The following SEMA5A variants were observed in gnomAD, a reference collection of about 807,000 sequenced individuals.
SEMA5A encodes the protein semaphorin 5A.
In SEMA5A, 55 loss-of-function variants were observed where a neutral mutation model predicts 135.5. The ratio of observed to expected loss-of-function variants is 0.41; its 90% CI spans 0.33 to 0.51. The LOEUF (loss-of-function observed/expected upper bound fraction) is 0.51, where lower values mean the gene tolerates loss of function less well. Among genes scored for constraint, SEMA5A ranks in the 20% least tolerant of loss-of-function variants. The pLI, the probability that SEMA5A is intolerant of heterozygous loss-of-function variation, is 0.37. For missense variants in SEMA5A, 1,290 were observed against 1,419.9 expected (o/e 0.91, Z 1.47); for synonymous variants, 580 against 546.5 (o/e 1.06, Z -0.85).
chr5:9,271,780 A>G (rs1240795886), intron 5 of SEMA5A, among the ~76,000 whole-genome samples: 1 of 152,074 alleles, frequency 6.6e-6, no homozygotes, highest in African/African-American at 2.4e-5. Context: ...TGGGTCAGGG[A>G]ACTCCCTCTA....
chr5:9,049,174 ATTTT>A (rs1373288938), intron 21 of SEMA5A, among the ~76,000 whole-genome samples: 1 of 151,730 alleles, frequency 6.6e-6, no homozygotes, highest in Non-Finnish European at 1.5e-5. Context: ...TTATTTATTT[ATTTT>A]TGATGCAGAG....
intron 1 of SEMA5A, among the ~76,000 whole-genome samples, chr5:9,439,551 C>A (rs1463085561): frequency 6.6e-6 from 1 of 152,158 alleles, no homozygotes; most frequent in Non-Finnish European, 1.5e-5. Flanking sequence ...TCTCCTGCCT[C>A]CCCCAGTGAG....
At chr5:9,162,564 G>GTGTATATATATATATATA (rs1331354641) in intron 11 of SEMA5A, among the ~76,000 whole-genome samples, 5 of 84,014 alleles carry the variant, frequency 6.0e-5, no homozygotes, top group African/African-American at 2.0e-4. Flanking sequence ...GTGTGTGTGT[G>GTGTATATATATATATATA]TATATATATA....
At chr5:9,183,166 G>A (rs375417354) in intron 11 of SEMA5A, among the ~76,000 whole-genome samples, 4 of 152,150 alleles carry the variant, frequency 2.6e-5, no homozygotes, top group Admixed American at 1.3e-4. Flanking sequence ...GAAAGAGCAG[G>A]AAGTGGTGCT....
chr5:9,299,486 T>C (rs1191773913), intron 5 of SEMA5A, among the ~76,000 whole-genome samples: 2 of 152,170 alleles, frequency 1.3e-5, no homozygotes, highest in African/African-American at 4.8e-5. Context: ...CAGGGGACTT[T>C]CTCTGAGCTG....
At chr5:9,174,600 G>T (rs1001771187) in intron 11 of SEMA5A, among the ~76,000 whole-genome samples, 26 of 152,166 alleles carry the variant, frequency 1.7e-4, no homozygotes, top group African/African-American at 5.8e-4. Flanking sequence ...TAATTACAGA[G>T]GTCAAGGCCT....
chr5:9,082,447 C>A (rs959549482), intron 16 of SEMA5A, among the ~76,000 whole-genome samples: 44 of 152,098 alleles, frequency 2.9e-4, no homozygotes, highest in African/African-American at 1.1e-3. Flanking sequence ...CAATTTTCTT[C>A]TCTGAGTTCA....
chr5:9,111,749 C>G (rs931797485), intron 15 of SEMA5A, among the ~76,000 whole-genome samples: 2 of 152,148 alleles, frequency 1.3e-5, no homozygotes, highest in African/African-American at 2.4e-5. Context: ...GGAATTCACC[C>G]TGGAAGAGAC....
At chr5:9,369,592 G>GT (rs1755052749) in intron 3 of SEMA5A, among the ~76,000 whole-genome samples, 1 of 152,082 alleles carries the variant, frequency 6.6e-6, no homozygotes, top group Non-Finnish European at 1.5e-5. Flanking sequence ...ACTTGTTGAA[G>GT]ACTACTATTT....
rs746034941 is a variant in SEMA5A at position 9,190,396 on chromosome 5, T to C, written c.1144A>G (p.Met382Val). 10 of 1,613,836 alleles carry C rather than the reference T, an allele frequency of 6.2e-6. No individual in the cohort carries two copies. The highest frequency in any genetic ancestry group is 4.5e-5 in the East Asian group (2 of 44,864). Residue 382 changes from methionine to valine, a missense_variant, in exon 11 of 23, where the codon ATG becomes GTG. This residue lies in a region of SEMA5A where 1,029 missense variants were observed against 1,086.6 expected (regional missense o/e 0.95). Coordinates refer to ENST00000382496, the MANE Select transcript of SEMA5A (RefSeq NM_003966.3). ...GTCACTGGCTGTACCACCTCATGCA[T>C]CAGAATGAACTTCTGAGCATCCTGC... ...NLQDAQKFIL[M>V]HEVVQPVTTV...
chr5:9,304,048 T>C (rs1039500114), intron 5 of SEMA5A, among the ~76,000 whole-genome samples: 2 of 152,176 alleles, frequency 1.3e-5, no homozygotes, highest in African/African-American at 4.8e-5. Flanking sequence ...ACAAGTAGAC[T>C]GTGGTGTTTA....
rs1735260608 is a variant in SEMA5A, at chr5:9,495,547, C to T, written c.-175+50037G>A. Among the ~76,000 whole-genome samples, 7 of 152,064 alleles carry T rather than the reference C, an allele frequency of 4.6e-5. No individual in the cohort carries two copies. The South Asian group carries it at 1.5e-3, about 32-fold the overall frequency. On this transcript the variant is annotated intron_variant, in intron 1 of 22. Transcript: ENST00000382496. ...AGTGCCAGGCCCTGTAGCAAGCCCT[C>T]GAATATGAAGGAACAAGACTGAGCC...
rs201614720 is a variant in SEMA5A, at chr5:9,346,914, G to A, written c.125-9102C>T. On this transcript the variant is annotated intron_variant, in intron 3 of 22. Transcript: ENST00000382496. ...TATATGTGTGTGTGTGTGTGTGTGT[G>A]TATATATATATATATGTATTTGCCT... 4.7e-3 allele frequency among the ~76,000 whole-genome samples: 463 copies of A among 99,202 alleles called. 1 individual carries two copies. Among genetic ancestry groups the A allele is most frequent in the African/African-American group, 0.015 (399 of 25,848 alleles). The allele number at this position is 99,202 out of a possible 152,430, so 65.1% of individuals were successfully genotyped here.
chr5:9,537,462 C>T (rs1737832823), intron 1 of SEMA5A, among the ~76,000 whole-genome samples: 1 of 152,118 alleles, frequency 6.6e-6, no homozygotes, highest in African/African-American at 2.4e-5. Context: ...CTGAAACCAT[C>T]AAAAGTGGTA....
At chr5:9,443,452 A>C (rs1758314675) in intron 1 of SEMA5A, among the ~76,000 whole-genome samples, 1 of 152,214 alleles carries the variant, frequency 6.6e-6, no homozygotes, top group South Asian at 2.1e-4. Context: ...CAACTGAAAA[A>C]TATGATATAA....
At chr5:9,241,399 A>C (rs1163036388) in intron 5 of SEMA5A, among the ~76,000 whole-genome samples, 2 of 152,036 alleles carry the variant, frequency 1.3e-5, no homozygotes, top group Non-Finnish European at 2.9e-5. Flanking sequence ...ATACAGCATA[A>C]GTGTATTCCA....
intron 1 of SEMA5A, chr5:9,517,808 A>G (rs972212555): frequency 6.6e-6 from 1 of 152,186 alleles, no homozygotes; most frequent in Non-Finnish European, 1.5e-5. Flanking sequence ...GACCCTCTCC[A>G]GTCTGCTTTC....
chr5:9,294,264 G>T (rs760641759), intron 5 of SEMA5A, among the ~76,000 whole-genome samples: 1 of 152,092 alleles, frequency 6.6e-6, no homozygotes. Flanking sequence ...CTCCTCATAG[G>T]CATTAAGCCT....
intron 5 of SEMA5A, among the ~76,000 whole-genome samples, chr5:9,273,756 G>A (rs1750110393): frequency 1.3e-5 from 2 of 152,106 alleles, no homozygotes; most frequent in Non-Finnish European, 2.9e-5. Flanking sequence ...ATAAGTGAAT[G>A]AGAAATAAAA....
Sources: allele counts gnomAD v4.1 joint callset (sites outside exome capture counted in the v4.1 genomes callset), GRCh38; gene constraint gnomAD v4.1.1; regional missense constraint gnomAD v4.1.1; transcripts MANE v1.5; gene names NCBI Gene and HGNC (gene_info 2026-07-23, HGNC 2026-07-21).